The following WIPI1 variants were observed in gnomAD, a reference collection of about 807,000 sequenced individuals.
The protein encoded by WIPI1 is WD repeat domain phosphoinositide-interacting protein 1.
In WIPI1, 45 loss-of-function variants were observed where a neutral mutation model predicts 55.3. The observed-to-expected ratio is 0.81, with a 90% CI of 0.64 to 1.04. The LOEUF is 1.04. WIPI1 is among the 50% of genes least tolerant of loss of function. The probability of loss-of-function intolerance (pLI) is 0.00; values close to 1 mark genes in which losing one functional copy is unlikely to be tolerated. For synonymous variants in WIPI1, 195 were observed against 217.6 expected, an observed-to-expected ratio of 0.90 and a Z score of 0.92; for missense variants, 445 against 559.0, an observed-to-expected ratio of 0.80 and a Z score of 2.06.
rs747237027 is a variant in WIPI1, at chr17:68,450,733, G to T, written c.328C>A (p.Arg110=). Residue 110 remains arginine, a synonymous_variant, in exon 3 of 13, where the codon CGG becomes AGG. Transcript: ENST00000262139. ...SSNILSIRLN[R]QRLLVCLEES... is the part of the protein sequence containing the mutation. Reference sequence around the variant, plus strand: ...TGAGGGATTTCCCCACTTACTTGCCGGTTCAGCCTTATGGACAAGATGTTG... The same window carrying T: ...TGAGGGATTTCCCCACTTACTTGCCTGTTCAGCCTTATGGACAAGATGTTG... 2 of 1,607,026 alleles carry T rather than the reference G, an allele frequency of 1.2e-6. No homozygotes were observed. Among genetic ancestry groups the T allele is most frequent in the South Asian group, 1.1e-5 (1 of 89,912 alleles).
intron 12 of WIPI1, among the ~76,000 whole-genome samples, chr17:68,425,550 C>T (rs753757021): frequency 1.8e-4 from 28 of 152,034 alleles, no homozygotes; most frequent in African/African-American, 6.7e-4. Context: ...TCTGCAACTG[C>T]TGGGGAGGTG....
intron 12 of WIPI1, among the ~76,000 whole-genome samples, chr17:68,424,203 C>G (rs1393549301): frequency 6.6e-6 from 1 of 152,210 alleles, no homozygotes; most frequent in Non-Finnish European, 1.5e-5. Context: ...AACAACTGCT[C>G]TCCGCCACTG....
At chr17:68,433,780 T>TTTTTGTTTG (rs2083644125) in intron 7 of WIPI1, among the ~76,000 whole-genome samples, 1 of 126,016 alleles carries the variant, frequency 7.9e-6, no homozygotes, top group African/African-American at 3.2e-5. Flanking sequence ...TTTTTTTTTT[T>TTTTTGTTTG]TTTTTTTTTT....
At chr17:68,427,306 T>C (rs2083261065) in intron 10 of WIPI1, 53 bp from the exon 11 acceptor site, 5 of 1,334,944 alleles carry the variant, frequency 3.7e-6, no homozygotes, top group Admixed American at 1.7e-5. Context: ...ATCATATATC[T>C]AGGACACCTT....
rs556057281 is a variant in WIPI1, at chr17:68,427,030, C to T, written c.1192+105G>A. The T allele has an allele frequency of 3.2e-6, 3 of 947,512 alleles. No individual in the cohort carries two copies. In the African/African-American group the frequency reaches 4.9e-5, roughly 15 times the overall value. 58.7% of individuals were successfully genotyped at this position (947,512 alleles called of 1,614,324 possible). ...AAGGGGGAAGGGGAGGGAGGGCACT[C>T]CACCCCCAGGTAACAGTGAAGGGGG... is the stretch of plus-strand genomic sequence containing the variant. On this transcript the variant is annotated intron_variant, in intron 11 of 12. Coordinates refer to ENST00000262139, the MANE Select transcript of WIPI1 (RefSeq NM_017983.7).
chr17:68,429,992 G>C lies in WIPI1; in HGVS notation c.965+4C>G. 1.2e-6 allele frequency: 2 copies of C among 1,614,044 alleles called. No individual in the cohort carries two copies. Among genetic ancestry groups the C allele is most frequent in the Non-Finnish European group, 1.7e-6 (2 of 1,179,992 alleles). On this transcript the variant is annotated splice_donor_region_variant and intron_variant, in intron 9 of 12. Transcript: ENST00000262139. ...TTGTTCAGAGTGGGTGTCATTGTAC[G>C]TACGTTGAGAGGGTACAGATGTTCC...
chr17:68,450,931 T>C (rs2084475173), intron 2 of WIPI1, 34 bp from the exon 3 acceptor site: 3 of 1,596,828 alleles, frequency 1.9e-6, no homozygotes, highest in Non-Finnish European at 2.6e-6. Flanking sequence ...GTTACATGGA[T>C]TGATCACTTC....
intron 4 of WIPI1, among the ~76,000 whole-genome samples, chr17:68,440,078 A>T (rs1224483071): frequency 6.6e-6 from 1 of 152,218 alleles, no homozygotes; most frequent in African/African-American, 2.4e-5. Context: ...CTAGATGCTA[A>T]CAAGAAAGGG....
intron 12 of WIPI1, 109 bp from the exon 13 acceptor site, chr17:68,421,929 C>A: frequency 1.4e-6 from 2 of 1,446,520 alleles, no homozygotes; most frequent in Non-Finnish European, 1.9e-6. Context: ...AGAGGCTGGG[C>A]ACTGTGGAAT....
intron 4 of WIPI1, among the ~76,000 whole-genome samples, chr17:68,438,557 C>G (rs1006512483): frequency 2.0e-5 from 3 of 152,168 alleles, no homozygotes; most frequent in Non-Finnish European, 4.4e-5. Flanking sequence ...GAGTTAAGAC[C>G]TTACAAATGC....
intron 4 of WIPI1, among the ~76,000 whole-genome samples, chr17:68,438,123 C>G (rs1600328866): frequency 6.6e-6 from 1 of 152,114 alleles, no homozygotes; most frequent in Non-Finnish European, 1.5e-5. Context: ...GAGTTGGAAC[C>G]TAGGTCTCAT....
At position 68,450,830 on chromosome 17, in the gene WIPI1, G is replaced by A; in HGVS notation, c.231C>T (p.His77=). ...FSSSLVVVVS[H]TKPRQMNVYH... is the part of the protein sequence containing the mutation. The stretch of plus-strand genomic sequence containing the variant: ...ACACGTTCATCTGCCGTGGTTTTGT[G>A]TGACTGACTACCACCACCAGGCTGC... The change falls in exon 3 of 13, where the codon CAC becomes CAT. Residue 77 remains histidine (H), a synonymous_variant. Coordinates refer to ENST00000262139, the MANE Select transcript of WIPI1 (RefSeq NM_017983.7). The A allele has an allele frequency of 1.9e-6, 3 of 1,614,200 alleles. No homozygotes were observed. Among genetic ancestry groups the A allele is most frequent in the Middle Eastern group, 3.3e-4 (2 of 6,060 alleles).
At chr17:68,428,581 A>T in intron 10 of WIPI1, 1 of 423,620 alleles carries the variant, frequency 2.4e-6, no homozygotes, top group Non-Finnish European at 4.4e-6. Context: ...CTGTGTTAGG[A>T]GCATAGGCTG....
At chr17:68,443,069 A>G (rs940192617) in intron 4 of WIPI1, among the ~76,000 whole-genome samples, 5 of 152,160 alleles carry the variant, frequency 3.3e-5, no homozygotes, top group Admixed American at 1.3e-4. Flanking sequence ...ACTCCCTAAC[A>G]GCCTCAATGG....
chr17:68,430,973 C>G (rs2083483908), intron 8 of WIPI1, among the ~76,000 whole-genome samples: 2 of 152,120 alleles, frequency 1.3e-5, no homozygotes, highest in Admixed American at 1.3e-4. Context: ...GGTCTTTGGA[C>G]AAACCTCTCT....
intron 8 of WIPI1, 136 bp downstream of exon 8, chr17:68,433,332 T>A: frequency 1.2e-6 from 1 of 841,298 alleles, no homozygotes; most frequent in Admixed American, 2.4e-5. Context: ...TAACACACAC[T>A]CCATCACTTA....
rs1010159661 is a variant in WIPI1 at position 68,422,865 on chromosome 17, A to G, written c.1294-1045T>C. On this transcript the variant is annotated intron_variant, in intron 12 of 12. Coordinates refer to ENST00000262139, the MANE Select transcript of WIPI1 (RefSeq NM_017983.7). ...GTACAGGTTGGCTTGTTCCTGAAAC[A>G]AAAGCTTCTCATCCTCCCGAATGTA... 23 of 152,278 alleles carry G rather than the reference A, an allele frequency of 1.5e-4. 1 individual carries two copies. In the East Asian group the frequency reaches 4.2e-3, roughly 28 times the overall value. The allele number at this position is 152,278 out of a possible 1,614,324, so 9.4% of individuals were successfully genotyped here. A position where few individuals can be genotyped will look rare whatever the true frequency, so the allele number is the denominator to read the frequency against.
At position 68,426,252 on chromosome 17, in the gene WIPI1, G is replaced by GGGGGGGGGGT; in HGVS notation, c.1193-78_1193-77insACCCCCCCCC. ...CCATGACCTGGCGGGTGGGGAGCGG[G>GGGGGGGGGGT]GGCTCAAATAAAGGGCAAAGGAAGC... On this transcript the variant is annotated intron_variant, in intron 11 of 12. Transcript: ENST00000262139. 7 of 828,188 alleles carry GGGGGGGGGGT rather than the reference G, an allele frequency of 8.5e-6. 1 individual carries two copies. Among genetic ancestry groups the GGGGGGGGGGT allele is most frequent in the Admixed American group, 4.7e-5 (2 of 42,922 alleles). 51.3% of individuals were successfully genotyped at this position (828,188 alleles called of 1,614,324 possible).
chr17:68,433,470 GT>G lies in WIPI1; in HGVS notation c.797del (p.Asn266ThrfsTer32). The G allele has an allele frequency of 6.2e-7, 1 of 1,613,974 alleles. No homozygotes were observed. Among genetic ancestry groups the G allele is most frequent in the Non-Finnish European group, 8.5e-7 (1 of 1,179,932 alleles). ...TTGGTGCCCCGCGGAGTACTTGCCT[GT>G]TGGTGACCTGTTCCAGCTTGAAGAT... Reference protein sequence around the residue: ...VHIFKLEQVTNSRPEEPSTWS... With the variant: ...VHIFKLEQVTXSRPEEPSTWS... On this transcript the variant is annotated frameshift_variant, in exon 8 of 13. Coordinates refer to ENST00000262139, the MANE Select transcript of WIPI1 (RefSeq NM_017983.7). LOFTEE classifies it high-confidence loss of function.
Sources: gnomAD v4.1 joint callset for allele counts (sites outside exome capture counted in the v4.1 genomes callset) on GRCh38, gnomAD v4.1.1 for gene constraint, MANE v1.5 for transcripts, NCBI Gene and HGNC (gene_info 2026-07-23, HGNC 2026-07-21) for gene names.